Variants in LARGE1 observed in about 807,000 individuals in gnomAD.
The protein encoded by LARGE1 is xylosyl- and glucuronyltransferase LARGE1.
Under a neutral mutation model 87.6 loss-of-function variants are expected in LARGE1, and 43 were observed. The observed-to-expected ratio is 0.49, with a 90% CI of 0.38 to 0.63. The LOEUF (loss-of-function observed/expected upper bound fraction) is 0.63, where lower values mean the gene tolerates loss of function less well. Ranked by LOEUF, LARGE1 falls within the 30% of genes least tolerant of loss-of-function variation. The probability of loss-of-function intolerance (pLI) is 0.00; values close to 1 mark genes in which losing one functional copy is unlikely to be tolerated. For missense variants in LARGE1, 802 were observed against 1,000.2 expected, an observed-to-expected ratio of 0.80 and a Z score of 2.67; for synonymous variants, 434 against 394.6, an observed-to-expected ratio of 1.10 and a Z score of -1.18.
At chr22:33,120,869 C>T in the LARGE1 span, among the ~76,000 whole-genome samples, 1 of 151,886 alleles carries the variant, frequency 6.6e-6, no homozygotes, top group Non-Finnish European at 1.5e-5. Flanking sequence ...GCCTGTAAAC[C>T]GCTCAATACC....
At chr22:33,585,352 T>A (rs534624522) in intron 5 of LARGE1, among the ~76,000 whole-genome samples, 1 of 151,908 alleles carries the variant, frequency 6.6e-6, no homozygotes. Flanking sequence ...GAGACACACA[T>A]AGAAACGCAC....
At chr22:33,277,724 A>T (rs746729193) in intron 13 of LARGE1, among the ~76,000 whole-genome samples, 1 of 152,214 alleles carries the variant, frequency 6.6e-6, no homozygotes, top group African/African-American at 2.4e-5. Context: ...GAATTGTGAG[A>T]GAATAAATTT....
the LARGE1 span, among the ~76,000 whole-genome samples, chr22:33,107,373 G>A: frequency 2.6e-5 from 4 of 152,096 alleles, no homozygotes; most frequent in African/African-American, 9.7e-5. Flanking sequence ...GAAGCAGCCT[G>A]GGCAACATGG....
chr22:33,807,071 A>C (rs2086335861), intron 1 of LARGE1, among the ~76,000 whole-genome samples: 1 of 152,184 alleles, frequency 6.6e-6, no homozygotes. Flanking sequence ...ACAGCTGGAT[A>C]GGCAGTTTGT....
intron 6 of LARGE1, among the ~76,000 whole-genome samples, chr22:33,497,358 G>A (rs367668002): frequency 8.3e-4 from 126 of 152,244 alleles, no homozygotes; most frequent in Admixed American, 1.3e-3. Flanking sequence ...TTACAGGTGT[G>A]AGCCAACAAA....
chr22:33,788,009 A>G (rs2085706428), intron 1 of LARGE1, among the ~76,000 whole-genome samples: 1 of 152,216 alleles, frequency 6.6e-6, no homozygotes, highest in Non-Finnish European at 1.5e-5. Context: ...CCTGCCCAGT[A>G]AAGTCCAGGA....
chr22:33,123,171 C>T, the LARGE1 span, among the ~76,000 whole-genome samples: 1 of 152,098 alleles, frequency 6.6e-6, no homozygotes, highest in Non-Finnish European at 1.5e-5. Context: ...ATGAGCCAGA[C>T]ACATTTTACA....
At chr22:33,247,181 A>T (rs1424494235) in intron 11 of LARGE1, among the ~76,000 whole-genome samples, 1 of 151,940 alleles carries the variant, frequency 6.6e-6, no homozygotes, top group Non-Finnish European at 1.5e-5. Context: ...AAAAAACAAA[A>T]CCAAAATGTT....
At chr22:33,164,703 G>A (rs912109759) in exon 12 of LARGE1, 3 of 151,882 alleles carry the variant, frequency 2.0e-5, no homozygotes, top group African/African-American at 7.3e-5. Flanking sequence ...TTTTTAAATA[G>A]AGACAGGGTT....
chr22:33,601,477 G>A (rs965856689), intron 5 of LARGE1, among the ~76,000 whole-genome samples: 6 of 152,150 alleles, frequency 3.9e-5, no homozygotes, highest in African/African-American at 9.7e-5. Flanking sequence ...TTGTTGATCC[G>A]GGTTATGTAT....
chr22:33,671,817 C>A (rs142282274), intron 2 of LARGE1, among the ~76,000 whole-genome samples: 1 of 152,280 alleles, frequency 6.6e-6, no homozygotes, highest in East Asian at 1.9e-4. Flanking sequence ...TCGCCAAGGT[C>A]TGATTGCAAA....
chr22:33,351,755 CTTT>C (rs60911479), intron 9 of LARGE1, among the ~76,000 whole-genome samples: 2 of 146,340 alleles, frequency 1.4e-5, no homozygotes, highest in Non-Finnish European at 3.0e-5. Flanking sequence ...AAATTAGAAA[CTTT>C]TTTTTTTTTT....
chr22:33,301,363 G>C (rs183284138), intron 12 of LARGE1, among the ~76,000 whole-genome samples: 1 of 152,202 alleles, frequency 6.6e-6, no homozygotes, highest in African/African-American at 2.4e-5. Context: ...TTTGGGGTGG[G>C]GGTGTGAGGA....
At chr22:33,534,445 C>T (rs554331472) in intron 6 of LARGE1, among the ~76,000 whole-genome samples, 1 of 151,874 alleles carries the variant, frequency 6.6e-6, no homozygotes, top group Non-Finnish European at 1.5e-5. Context: ...TGAAGTCACT[C>T]ACTGACTTCT....
intron 1 of LARGE1, among the ~76,000 whole-genome samples, chr22:33,819,041 G>A: frequency 6.6e-6 from 1 of 152,178 alleles, no homozygotes; most frequent in East Asian, 1.9e-4. Flanking sequence ...AATACCAACT[G>A]ATGGCTGATT....
chr22:33,919,203 T>TA lies in LARGE1; in HGVS notation c.-83+791dup, dbSNP rs569150104. 3.9e-5 allele frequency among the ~76,000 whole-genome samples: 6 copies of TA among 152,218 alleles called. No homozygotes were observed. In the East Asian group the frequency reaches 9.7e-4, roughly 24 times the overall value. On this transcript the variant is annotated intron_variant, in intron 1 of 14. Coordinates refer to ENST00000397394, the MANE Select transcript of LARGE1 (RefSeq NM_133642.5). ...TCTGTTCCCTCCGAAGTGACCCATT[T>TA]AAAATCAGATTGTTCTGGGGGAAGC...
chr22:33,148,364 A>G, the LARGE1 span, among the ~76,000 whole-genome samples: 5 of 152,340 alleles, frequency 3.3e-5, no homozygotes, highest in South Asian at 1.0e-3. Flanking sequence ...TTTTCACACA[A>G]CACCATGAAC....
intron 7 of LARGE1, among the ~76,000 whole-genome samples, chr22:33,385,570 C>T: frequency 1.0e-5 from 1 of 96,634 alleles, no homozygotes; most frequent in Non-Finnish European, 2.3e-5. Context: ...AACAACTAAA[C>T]ATATTATTCA....
At chr22:33,770,000 C>T (rs1187670670) in intron 1 of LARGE1, among the ~76,000 whole-genome samples, 6 of 152,164 alleles carry the variant, frequency 3.9e-5, no homozygotes, top group Admixed American at 6.5e-5. Flanking sequence ...TTCAGCCCTA[C>T]GATTTCCATT....
Sources: allele counts gnomAD v4.1 joint callset (sites outside exome capture counted in the v4.1 genomes callset), GRCh38; gene constraint gnomAD v4.1.1; transcripts MANE v1.5; gene names NCBI Gene and HGNC (gene_info 2026-07-23, HGNC 2026-07-21).